The following CPSF4L variants were observed in gnomAD, a reference collection of about 807,000 sequenced individuals.
CPSF4L encodes the protein putative cleavage and polyadenylation specificity factor subunit 4-like protein.
A neutral mutation model predicts 24.0 loss-of-function variants in CPSF4L; 18 were observed. That is an observed-to-expected ratio of 0.75 (90% CI 0.52 to 1.11). The LOEUF (loss-of-function observed/expected upper bound fraction) is 1.11, where lower values mean the gene tolerates loss of function less well. CPSF4L is among the 50% of genes least tolerant of loss of function. The pLI is 0.00. For synonymous variants in CPSF4L, 72 were observed against 77.2 expected (o/e 0.93, Z 0.35); for missense variants, 211 against 221.8 (o/e 0.95, Z 0.31).
chr17:73,245,224 A>C, downstream of CPSF4L: 1 of 1,613,094 alleles, frequency 6.2e-7, no homozygotes. Context: ...GCTCTGGAAC[A>C]GCAAAGGGCG....
intron 5 of CPSF4L, chr17:73,250,951 C>T (rs565395018): frequency 6.0e-6 from 9 of 1,504,322 alleles, no homozygotes; most frequent in Non-Finnish European, 8.0e-6. Flanking sequence ...ACTAGCCCAG[C>T]CCTGTGGGTT....
Position 73,257,761 on chromosome 17 carries a change from C to T in CPSF4L, c.227G>A (p.Cys76Tyr), listed in dbSNP as rs1440392216. Residue 76 changes from cysteine to tyrosine, a missense_variant, in exon 3 of 6, where the codon TGC (cysteine) becomes TAC (tyrosine). By Grantham distance (194) the Cys-to-Tyr change is radical. Transcript: ENST00000344935. ...VVCKHWLRGL[C>Y]KKGDHCKFLH... ...GAACTTGCAGTGATCACCCTTCTTG[C>T]AGAGCCCCCGGAGCCAGTGCTTGCA... The T allele has an allele frequency of 1.3e-6, 2 of 1,551,564 alleles. No individual in the cohort carries two copies. The highest frequency in any genetic ancestry group is 1.7e-6 in the Non-Finnish European group (2 of 1,146,996).
the CPSF4L span, chr17:73,242,322 T>G: frequency 1.2e-6 from 2 of 1,603,362 alleles, no homozygotes; most frequent in Non-Finnish European, 1.7e-6. Context: ...AACTTCTCTC[T>G]AATGAGGCTC....
At chr17:73,243,884 T>C (rs1265413389), downstream of CPSF4L, among the ~76,000 whole-genome samples, 1 of 152,196 alleles carries the variant, frequency 6.6e-6, no homozygotes, top group African/African-American at 2.4e-5. Context: ...TAAGAACTGT[T>C]ACCCTGCTCC....
chr17:73,255,557 A>G (rs925059983), intron 3 of CPSF4L, among the ~76,000 whole-genome samples: 3 of 150,598 alleles, frequency 2.0e-5, no homozygotes, highest in Admixed American at 1.3e-4. Context: ...GATTCCTAAG[A>G]GTTTAAAACC....
At chr17:73,252,562 A>C in intron 5 of CPSF4L, 68 bp downstream of exon 5, 1 of 952,686 alleles carries the variant, frequency 1.0e-6, no homozygotes, top group Non-Finnish European at 1.7e-6. Flanking sequence ...AAGGTATGGA[A>C]AGATCTAGAA....
At chr17:73,259,931 T>C (rs2062039064) in intron 2 of CPSF4L, among the ~76,000 whole-genome samples, 1 of 152,232 alleles carries the variant, frequency 6.6e-6, no homozygotes, top group Admixed American at 6.5e-5. Flanking sequence ...CCAGTTTTTT[T>C]TGGCAATTGT....
Position 73,257,003 on chromosome 17 carries a change from G to A in CPSF4L, c.307+678C>T, listed in dbSNP as rs560508118. On this transcript the variant is annotated intron_variant, in intron 3 of 5. Coordinates refer to ENST00000344935, the MANE Select transcript of CPSF4L (RefSeq NM_001129885.1). Reference sequence around the variant, plus strand: ...GATCACGCCACTGCACTCCAGCCTGGGGGACAGAGCAAGACGCTGTCTCAA... The same window carrying A: ...GATCACGCCACTGCACTCCAGCCTGAGGGACAGAGCAAGACGCTGTCTCAA... 2.0e-5 allele frequency among the ~76,000 whole-genome samples: 3 copies of A among 152,222 alleles called. No individual in the cohort carries two copies. The East Asian group carries it at 5.8e-4, about 29-fold the overall frequency.
At chr17:73,263,565 G>A (rs571853597), upstream of CPSF4L, among the ~76,000 whole-genome samples, 4 of 152,134 alleles carry the variant, frequency 2.6e-5, no homozygotes, top group South Asian at 8.3e-4. Context: ...AGGCTGAGGA[G>A]GCGCTCAAGG....
intron 5 of CPSF4L, among the ~76,000 whole-genome samples, chr17:73,249,517 GC>G (rs2061993781): frequency 1.3e-5 from 2 of 152,088 alleles, no homozygotes; most frequent in Non-Finnish European, 2.9e-5. Context: ...CTTTTAGACT[GC>G]CCTGACTGGG....
At chr17:73,242,177 C>A in the CPSF4L span, 1 of 1,052,254 alleles carries the variant, frequency 9.5e-7, no homozygotes, top group Non-Finnish European at 1.4e-6. Context: ...GATCCTTCGG[C>A]ACTGGATGTT....
At chr17:73,258,357 G>A (rs547083233) in intron 2 of CPSF4L, among the ~76,000 whole-genome samples, 1 of 152,012 alleles carries the variant, frequency 6.6e-6, no homozygotes, top group African/African-American at 2.4e-5. Flanking sequence ...CCATGCTAGA[G>A]AGCAATGGCA....
Position 73,254,035 on chromosome 17 carries a change from C to A in CPSF4L, c.308-9G>T. On this transcript the variant is annotated splice_polypyrimidine_tract_variant and intron_variant, in intron 3 of 5. Coordinates refer to ENST00000344935, the MANE Select transcript of CPSF4L (RefSeq NM_001129885.1). ...CTTGTTGCTGCAGTCACCTGAAAAT[C>A]CCAGCACTCTCTGTAGAAGCAGTTT... 6.5e-7 allele frequency: 1 copy of A among 1,547,670 alleles called. No individual in the cohort carries two copies. Among genetic ancestry groups the A allele is most frequent in the Middle Eastern group, 1.7e-4 (1 of 5,982 alleles).
At chr17:73,262,951 A>T (rs556697520), upstream of CPSF4L, among the ~76,000 whole-genome samples, 9 of 151,408 alleles carry the variant, frequency 5.9e-5, no homozygotes, top group Admixed American at 2.6e-4. Flanking sequence ...AAAAGAAAAT[A>T]GCTGGAGAGA....
chr17:73,247,586 C>G, downstream of CPSF4L: 1 of 429,578 alleles, frequency 2.3e-6, no homozygotes, highest in Non-Finnish European at 4.2e-6. Flanking sequence ...ATTTTATATC[C>G]CTGAAAATAA....
the CPSF4L span, chr17:73,243,088 T>TGTTTG: frequency 1.0e-6 from 1 of 997,640 alleles, no homozygotes. Flanking sequence ...TTTTTTTTTT[T>TGTTTG]TTTTTTTTTT....
chr17:73,252,166 C>A (rs887456081), intron 5 of CPSF4L, among the ~76,000 whole-genome samples: 1 of 152,248 alleles, frequency 6.6e-6, no homozygotes, highest in Non-Finnish European at 1.5e-5. Context: ...TCATGTAACT[C>A]GGGTTGAGTA....
chr17:73,256,350 G>A (rs1159409609), intron 3 of CPSF4L, among the ~76,000 whole-genome samples: 1 of 152,202 alleles, frequency 6.6e-6, no homozygotes, highest in Non-Finnish European at 1.5e-5. Context: ...GCAGGAAATG[G>A]AATATTAGCC....
At chr17:73,262,146 T>G, upstream of CPSF4L, 1 of 218,886 alleles carries the variant, frequency 4.6e-6, no homozygotes, top group Non-Finnish European at 8.1e-6. Flanking sequence ...AAACGTGGCG[T>G]GCACACAGAC....
Sources: allele counts gnomAD v4.1 joint callset (sites outside exome capture counted in the v4.1 genomes callset), GRCh38; gene constraint gnomAD v4.1.1; transcripts MANE v1.5; gene names NCBI Gene and HGNC (gene_info 2026-07-23, HGNC 2026-07-21).